The following PRUNE2 variants were observed in gnomAD, a reference collection of about 807,000 sequenced individuals.
PRUNE2 encodes the protein prune homolog 2 with BCH domain.
PRUNE2 carries 164 observed loss-of-function variants against 252.0 expected under a neutral mutation model. That is an observed-to-expected ratio of 0.65 (90% CI 0.57 to 0.74). PRUNE2 has a LOEUF of 0.74. Among genes scored for constraint, PRUNE2 ranks in the 30% least tolerant of loss-of-function variants. The probability of loss-of-function intolerance (pLI) is 0.00; values close to 1 mark genes in which losing one functional copy is unlikely to be tolerated. For missense variants in PRUNE2, 3,495 were observed against 3,711.0 expected, an observed-to-expected ratio of 0.94 and a Z score of 1.51; for synonymous variants, 1,292 against 1,350.2, an observed-to-expected ratio of 0.96 and a Z score of 0.94.
intron 16 of PRUNE2, among the ~76,000 whole-genome samples, chr9:76,627,067 G>T (rs1187170387): frequency 6.6e-6 from 1 of 151,500 alleles, no homozygotes; most frequent in African/African-American, 2.4e-5. Context: ...TCATCTTATA[G>T]AATGTGAGTG....
At chr9:76,833,565 A>G (rs1412056702) in intron 4 of PRUNE2, among the ~76,000 whole-genome samples, 1 of 152,022 alleles carries the variant, frequency 6.6e-6, no homozygotes, top group Non-Finnish European at 1.5e-5. Flanking sequence ...GGAGATCGAG[A>G]CCATCCTGGC....
chr9:76,831,745 A>C (rs1216138177), intron 4 of PRUNE2, among the ~76,000 whole-genome samples: 2 of 152,206 alleles, frequency 1.3e-5, no homozygotes. Flanking sequence ...AACAAACATC[A>C]AAATAATAAA....
At position 76,709,983 on chromosome 9, in the gene PRUNE2, T is replaced by C; in HGVS notation, c.2291A>G (p.Asp764Gly). 1 of 1,613,660 alleles carries C rather than the reference T, an allele frequency of 6.2e-7. No individual in the cohort carries two copies. The highest frequency in any genetic ancestry group is 8.5e-7 in the Non-Finnish European group (1 of 1,179,806). Residue 764 changes from aspartate to glycine, a missense_variant, in exon 8 of 19, where the codon GAC becomes GGC. By Grantham distance (94) the Asp-to-Gly change is moderately conservative (BLOSUM62 -1). Coordinates refer to ENST00000376718, the MANE Select transcript of PRUNE2 (RefSeq NM_015225.3). ...ACCAGAATGCCACAAAGAAGCAAAG[T>C]CTTCTATCAGGTGGTTTGTTCCTTG... ...SPQGTNHLIE[D>G]FASLWHSGRS...
At chr9:76,633,133 A>C (rs1295702729) in intron 15 of PRUNE2, among the ~76,000 whole-genome samples, 1 of 152,150 alleles carries the variant, frequency 6.6e-6, no homozygotes, top group African/African-American at 2.4e-5. Flanking sequence ...GAGGCAGGAG[A>C]ATCGCTTGAA....
Position 76,710,031 on chromosome 9 carries a change from G to T in PRUNE2, c.2243C>A (p.Ser748Ter). 1 of 1,613,830 alleles carries T rather than the reference G, an allele frequency of 6.2e-7. No individual in the cohort carries two copies. The highest frequency in any genetic ancestry group is 2.2e-5 in the East Asian group (1 of 44,862). Residue 748 changes from serine (S) to a stop codon, truncating the protein, a stop_gained, in exon 8 of 19, where the codon TCA becomes TAA. Coordinates refer to ENST00000376718, the MANE Select transcript of PRUNE2 (RefSeq NM_015225.3). LOFTEE classifies it high-confidence loss of function. ...TTGGGGAGATGTATTTGGCAAAGGTGACTTCTCCATGGGCAGGTTCTGGAA... is the reference window on the plus strand; with the variant it reads ...TTGGGGAGATGTATTTGGCAAAGGTTACTTCTCCATGGGCAGGTTCTGGAA... ...LPFQNLPMEKSPLPNTSPQGT... is the reference protein window; with the variant it reads ...LPFQNLPMEK
At position 76,623,435 on chromosome 9, in the gene PRUNE2, T is replaced by C. The variant is rs144126205; in HGVS notation, c.9188+1017A>G. Among the ~76,000 whole-genome samples the C allele has an allele frequency of 4.6e-3, 693 of 152,104 alleles. 9 individuals carry two copies. The highest frequency in any genetic ancestry group is 0.016 in the African/African-American group (657 of 41,490). On this transcript the variant is annotated intron_variant, in intron 17 of 18. Transcript: ENST00000376718. ...TCAGCCTCCCGAGTAGCTCGGACTATAGGCGTGCACCACCATGCCCAGCTA... is the reference window on the plus strand; with the variant it reads ...TCAGCCTCCCGAGTAGCTCGGACTACAGGCGTGCACCACCATGCCCAGCTA...
intron 1 of PRUNE2, among the ~76,000 whole-genome samples, chr9:76,901,120 T>C (rs1024275313): frequency 1.3e-5 from 2 of 152,078 alleles, no homozygotes; most frequent in African/African-American, 4.8e-5. Context: ...TGAAGATCTG[T>C]TTACACTAAA....
intron 6 of PRUNE2, among the ~76,000 whole-genome samples, chr9:76,751,309 A>T (rs530798570): frequency 6.6e-6 from 1 of 152,224 alleles, no homozygotes; most frequent in South Asian, 2.1e-4. Context: ...AGTAGGGTCA[A>T]TAACATTGAT....
chr9:76,869,309 G>A (rs533472702), intron 1 of PRUNE2: 1 of 152,318 alleles, frequency 6.6e-6, no homozygotes, highest in Admixed American at 6.5e-5. Flanking sequence ...CAGGTATGCA[G>A]GTTCACAGGG....
chr9:76,881,867 C>T (rs923201908), intron 1 of PRUNE2, among the ~76,000 whole-genome samples: 3 of 152,034 alleles, frequency 2.0e-5, no homozygotes, highest in African/African-American at 7.2e-5. Context: ...GTGATCTGCC[C>T]GCCTCGGCCT....
At chr9:76,731,324 A>ATTTTT (rs1181079797) in intron 6 of PRUNE2, among the ~76,000 whole-genome samples, 1 of 106,794 alleles carries the variant, frequency 9.4e-6, no homozygotes. Context: ...ATATATATAT[A>ATTTTT]TTTTTTTTTT....
At position 76,711,146 on chromosome 9, in the gene PRUNE2, G is replaced by C; in HGVS notation, c.1128C>G (p.Ala376=). 1 of 1,613,924 alleles carries C rather than the reference G, an allele frequency of 6.2e-7. No individual in the cohort carries two copies. The highest frequency in any genetic ancestry group is 8.5e-7 in the Non-Finnish European group (1 of 1,179,850). ...TSSTEAVAGS[A]PLSQGSSGIM... is the part of the protein sequence containing the mutation. The stretch of plus-strand genomic sequence containing the variant: ...TCCCAGAAGACCCCTGGGAGAGGGG[G>C]GCACTGCCTGCCACGGCTTCTGTTG... The change falls in exon 8 of 19, where the codon GCC becomes GCG. Residue 376 remains alanine (A), a synonymous_variant. Transcript: ENST00000376718.
intron 1 of PRUNE2, 94 bp from the exon 2 acceptor site, chr9:76,854,302 AT>A (rs2060123436): frequency 3.6e-6 from 2 of 553,122 alleles, no homozygotes; most frequent in Non-Finnish European, 6.3e-6. Context: ...CCTTATCCAT[AT>A]TGATACACAA....
chr9:76,781,077 A>G (rs990767223), intron 6 of PRUNE2, among the ~76,000 whole-genome samples: 2 of 152,242 alleles, frequency 1.3e-5, no homozygotes, highest in Non-Finnish European at 2.9e-5. Context: ...TTAAATATCT[A>G]TAAAAATGTA....
intron 6 of PRUNE2, among the ~76,000 whole-genome samples, chr9:76,814,765 T>C (rs1408850025): frequency 7.2e-5 from 11 of 152,230 alleles, no homozygotes; most frequent in Admixed American, 7.2e-4. Flanking sequence ...GAAATGGTTA[T>C]GAATAATATA....
At chr9:76,834,105 ACC>A (rs2058826631) in intron 4 of PRUNE2, among the ~76,000 whole-genome samples, 1 of 151,824 alleles carries the variant, frequency 6.6e-6, no homozygotes, top group Non-Finnish European at 1.5e-5. Context: ...CTGGTCTCAA[ACC>A]CCTGACCTCA....
At chr9:76,647,278 A>G (rs991735785) in intron 11 of PRUNE2, among the ~76,000 whole-genome samples, 3 of 152,256 alleles carry the variant, frequency 2.0e-5, no homozygotes, top group African/African-American at 7.2e-5. Flanking sequence ...AAGGCAATAC[A>G]ATAAAGCAAA....
At chr9:76,839,585 C>G (rs12000391) in intron 4 of PRUNE2, among the ~76,000 whole-genome samples, 28,598 of 152,134 alleles carry the variant, frequency 0.19, 3,502 homozygotes, top group African/African-American at 0.33. Flanking sequence ...GTGGTGGTCT[C>G]TAGGGGTAGA....
At position 76,901,289 on chromosome 9, in the gene PRUNE2, G is replaced by A. The variant is rs184837941; in HGVS notation, c.36+4639C>T. ...GCAAGGGGTATCACATTCACGGGAA[G>A]TGCTTTGGATTCCTGAGTTTCCTGC... On this transcript the variant is annotated intron_variant, in intron 1 of 18. Transcript: ENST00000376718. 1.1e-3 allele frequency among the ~76,000 whole-genome samples: 172 copies of A among 152,300 alleles called. 1 individual carries two copies. Among genetic ancestry groups the A allele is most frequent in the African/African-American group, 3.8e-3 (160 of 41,564 alleles).
Sources: allele counts gnomAD v4.1 joint callset (sites outside exome capture counted in the v4.1 genomes callset), GRCh38; gene constraint gnomAD v4.1.1; transcripts MANE v1.5; gene names NCBI Gene and HGNC (gene_info 2026-07-23, HGNC 2026-07-21).